Variants in USP49 observed in about 807,000 individuals in gnomAD.
The protein encoded by USP49 is ubiquitin specific peptidase 49.
USP49 carries 24 observed loss-of-function variants against 58.6 expected under a neutral mutation model. That is an observed-to-expected ratio of 0.41 (90% CI 0.30 to 0.58). The LOEUF is 0.58. Among genes scored for constraint, USP49 ranks in the 20% least tolerant of loss-of-function variants. The probability of loss-of-function intolerance (pLI) is 0.30; values close to 1 mark genes in which losing one functional copy is unlikely to be tolerated. For synonymous variants in USP49, 408 were observed against 365.1 expected, an observed-to-expected ratio of 1.12 and a Z score of -1.34; for missense variants, 703 against 866.1, an observed-to-expected ratio of 0.81 and a Z score of 2.36.
intron 3 of USP49, among the ~76,000 whole-genome samples, chr6:41,809,593 G>A (rs1167029728): frequency 2.0e-5 from 3 of 151,668 alleles, no homozygotes; most frequent in South Asian, 2.1e-4. Context: ...TTGGGAGTCC[G>A]AGGCGGGAGG....
At chr6:41,815,081 T>A (rs902774957) in intron 3 of USP49, among the ~76,000 whole-genome samples, 1 of 152,000 alleles carries the variant, frequency 6.6e-6, no homozygotes, top group Non-Finnish European at 1.5e-5. Context: ...AATATCAATA[T>A]ATAGTTAAGA....
intron 3 of USP49, among the ~76,000 whole-genome samples, chr6:41,826,451 A>G (rs1475386787): frequency 6.6e-6 from 1 of 152,226 alleles, no homozygotes; most frequent in Non-Finnish European, 1.5e-5. Flanking sequence ...GCCAACATAT[A>G]TAAGTCTGCT....
At chr6:41,859,563 C>T (rs1267419817) in intron 3 of USP49, among the ~76,000 whole-genome samples, 2 of 152,114 alleles carry the variant, frequency 1.3e-5, no homozygotes, top group African/African-American at 4.8e-5. Context: ...TATAACAAAC[C>T]TGAAGAAGAC....
intron 1 of USP49, 89 bp downstream of exon 1, chr6:41,895,235 C>G (rs1244037721): frequency 6.6e-6 from 1 of 151,400 alleles, no homozygotes; most frequent in South Asian, 2.1e-4. Flanking sequence ...TCGCGGCCTC[C>G]CCGGCCCCCG....
At chr6:41,808,248 A>C (rs1276327861) in intron 3 of USP49, among the ~76,000 whole-genome samples, 2 of 152,220 alleles carry the variant, frequency 1.3e-5, no homozygotes, top group African/African-American at 4.8e-5. Flanking sequence ...CAAAAGAAAA[A>C]AAAGCAACGA....
intron 3 of USP49, among the ~76,000 whole-genome samples, chr6:41,817,167 T>TTTTTTTTTTTTTTTA (rs60908132): frequency 7.4e-6 from 1 of 135,538 alleles, no homozygotes; most frequent in African/African-American, 3.0e-5. Context: ...TTTTTTTTTT[T>TTTTTTTTTTTTTTTA]GAGACAGAGT....
At chr6:41,851,931 G>A (rs1418260402) in intron 3 of USP49, among the ~76,000 whole-genome samples, 3 of 133,304 alleles carry the variant, frequency 2.3e-5, no homozygotes, top group Non-Finnish European at 1.5e-5. Context: ...TCCAGCCTGG[G>A]AGACAGAGCG....
At chr6:41,816,934 G>C (rs1403795537) in intron 3 of USP49, among the ~76,000 whole-genome samples, 1 of 151,480 alleles carries the variant, frequency 6.6e-6, no homozygotes, top group African/African-American at 2.4e-5. Flanking sequence ...TCAAATTCCT[G>C]AACTGAAGTG....
chr6:41,838,960 T>C (rs1773772838), intron 3 of USP49, among the ~76,000 whole-genome samples: 1 of 152,208 alleles, frequency 6.6e-6, no homozygotes, highest in Non-Finnish European at 1.5e-5. Flanking sequence ...TAATCTGGTC[T>C]TGAATAATCT....
intron 3 of USP49, among the ~76,000 whole-genome samples, chr6:41,809,752 G>C (rs1773212873): frequency 1.3e-5 from 2 of 151,468 alleles, no homozygotes; most frequent in African/African-American, 4.9e-5. Flanking sequence ...GCGTGAACCC[G>C]GGAGGTGGAA....
At chr6:41,885,728 G>A (rs1009122762) in intron 2 of USP49, among the ~76,000 whole-genome samples, 33 of 152,156 alleles carry the variant, frequency 2.2e-4, no homozygotes, top group African/African-American at 7.7e-4. Context: ...GCCGGGAGGT[G>A]GATGCTGCAG....
At chr6:41,847,944 A>G (rs936941403) in intron 3 of USP49, among the ~76,000 whole-genome samples, 9 of 152,214 alleles carry the variant, frequency 5.9e-5, no homozygotes, top group African/African-American at 9.7e-5. Flanking sequence ...AAGGACTTCA[A>G]CAAGGATAAA....
chr6:41,830,043 GTTTTGTT>G (rs1773608653), intron 3 of USP49, among the ~76,000 whole-genome samples: 1 of 152,136 alleles, frequency 6.6e-6, no homozygotes, highest in Non-Finnish European at 1.5e-5. Flanking sequence ...TGGTCTTGAT[GTTTTGTT>G]TTTTAATACA....
At chr6:41,821,488 C>T (rs1773452215) in intron 3 of USP49, among the ~76,000 whole-genome samples, 3 of 152,056 alleles carry the variant, frequency 2.0e-5, no homozygotes, top group Non-Finnish European at 4.4e-5. Context: ...AAGAAAAGTC[C>T]GAGGCCGGGC....
intron 3 of USP49, among the ~76,000 whole-genome samples, chr6:41,859,780 GAC>G (rs1490867236): frequency 6.6e-6 from 1 of 152,124 alleles, no homozygotes; most frequent in Non-Finnish European, 1.5e-5. Context: ...CAAAAAATAA[GAC>G]AATCTTTCTG....
Position 41,859,645 on chromosome 6 carries a change from G to A in USP49, c.-29+11919C>T, listed in dbSNP as rs532269946. ...AAGACCGAGTGAATAAACAAATAAC[G>A]TTCTACTTCAGTGTCCTCTTTGGCA... On this transcript the variant is annotated intron_variant, in intron 3 of 7. Coordinates refer to ENST00000682992, the MANE Select transcript of USP49 (RefSeq NM_001286554.2). 3.3e-5 allele frequency among the ~76,000 whole-genome samples: 5 copies of A among 152,244 alleles called. No homozygotes were observed. In the South Asian group the frequency reaches 6.2e-4, roughly 19 times the overall value.
intron 2 of USP49, among the ~76,000 whole-genome samples, chr6:41,879,750 A>G (rs991906054): frequency 1.3e-5 from 2 of 152,238 alleles, no homozygotes; most frequent in African/African-American, 4.8e-5. Flanking sequence ...TTCCCCACTC[A>G]GCTTCCCAAA....
chr6:41,837,519 A>T lies in USP49; in HGVS notation c.-28-30508T>A, dbSNP rs191798126. Among the ~76,000 whole-genome samples, 114 of 152,352 alleles carry T rather than the reference A, an allele frequency of 7.5e-4. 3 individuals carry two copies. The highest frequency in any genetic ancestry group is 6.8e-3 in the Admixed American group (104 of 15,304). On this transcript the variant is annotated intron_variant, in intron 3 of 7. Coordinates refer to ENST00000682992, the MANE Select transcript of USP49 (RefSeq NM_001286554.2). Reference sequence around the variant, plus strand: ...ATAAAACCTCTAGAAAACCTAGGAAATACCATTCTGGACACAGGCCCTGGC... The same window carrying T: ...ATAAAACCTCTAGAAAACCTAGGAATTACCATTCTGGACACAGGCCCTGGC...
intron 3 of USP49, chr6:41,833,048 G>T (rs1250087648): frequency 7.0e-6 from 1 of 141,860 alleles, no homozygotes; most frequent in African/African-American, 2.6e-5. Context: ...ACAGAGTCTC[G>T]CATTGTTGCC....
Sources: gnomAD v4.1 joint callset for allele counts (sites outside exome capture counted in the v4.1 genomes callset) on GRCh38, gnomAD v4.1.1 for gene constraint, MANE v1.5 for transcripts, NCBI Gene and HGNC (gene_info 2026-07-23, HGNC 2026-07-21) for gene names.